Variants in PDE4DIP observed in about 807,000 individuals in gnomAD.
PDE4DIP encodes phosphodiesterase 4D interacting protein, also known as myomegalin.
PDE4DIP carries 59 observed loss-of-function variants against 221.4 expected under a neutral mutation model. That is an observed-to-expected ratio of 0.27 (90% confidence interval 0.22 to 0.33). The LOEUF (loss-of-function observed/expected upper bound fraction) is 0.33, where lower values mean the gene tolerates loss of function less well. Ranked by LOEUF, PDE4DIP falls within the 10% of genes least tolerant of loss-of-function variation. The pLI is 1.00. For synonymous variants in PDE4DIP, 404 were observed against 815.9 expected (o/e 0.50, Z 8.60); for missense variants, 1,036 against 2,154.2 (o/e 0.48, Z 10.28).
At chr1:149,030,125 A>G (rs1400378354) in intron 42 of PDE4DIP, 107 bp from the exon 46 acceptor site, 84 of 980,140 alleles carry the variant, frequency 8.6e-5, no homozygotes, top group Non-Finnish European at 1.3e-4. Flanking sequence ...GGAGACTCCA[A>G]GCTGAATAGC....
chr1:148,917,254 C>T (rs1473148537), intron 1 of PDE4DIP, among the ~76,000 whole-genome samples: 1 of 151,704 alleles, frequency 6.6e-6, no homozygotes, highest in Non-Finnish European at 1.5e-5. Flanking sequence ...TAGCTCATGA[C>T]ACACTGAGAA....
At chr1:148,979,912 A>G in intron 20 of PDE4DIP, 63 bp downstream of exon 23, 1 of 1,564,678 alleles carries the variant, frequency 6.4e-7, no homozygotes, top group Non-Finnish European at 8.7e-7. Flanking sequence ...TTACTATTGT[A>G]TTTATGCCTT....
intron 3 of PDE4DIP, among the ~76,000 whole-genome samples, chr1:148,882,563 CGT>C (rs1694145385): frequency 6.6e-6 from 1 of 150,728 alleles, no homozygotes; most frequent in Non-Finnish European, 1.5e-5. Context: ...TATGAGAAAA[CGT>C]GTTTCAAGCA....
intron 5 of PDE4DIP, among the ~76,000 whole-genome samples, chr1:148,960,277 A>G (rs1574333763): frequency 6.6e-6 from 1 of 150,874 alleles, no homozygotes; most frequent in African/African-American, 2.4e-5. Flanking sequence ...TGTAAGTTTG[A>G]TGAGTATGCC....
chr1:149,015,691 T>C (rs1553609908), intron 32 of PDE4DIP, among the ~76,000 whole-genome samples: 1 of 149,694 alleles, frequency 6.7e-6, no homozygotes, highest in South Asian at 2.1e-4. Context: ...TTGCAGCTCC[T>C]TGAGTCATGT....
chr1:148,955,324 C>T (rs587699472), intron 5 of PDE4DIP, among the ~76,000 whole-genome samples: 47 of 151,478 alleles, frequency 3.1e-4, no homozygotes, highest in Non-Finnish European at 5.8e-4. Flanking sequence ...GAAATAAACT[C>T]GTCCCCCCAG....
At chr1:148,919,958 C>T (rs587677562) in intron 1 of PDE4DIP, among the ~76,000 whole-genome samples, 152 of 136,470 alleles carry the variant, frequency 1.1e-3, no homozygotes, top group Non-Finnish European at 9.8e-4. Flanking sequence ...ACTCACTGAC[C>T]TTAACACAAC....
At chr1:148,934,881 G>T (rs1553473815) in intron 4 of PDE4DIP, among the ~76,000 whole-genome samples, 1 of 152,084 alleles carries the variant, frequency 6.6e-6, no homozygotes, top group Non-Finnish European at 1.5e-5. Context: ...TGGGATTACA[G>T]GGATTACAGG....
intron 18 of PDE4DIP, 59 bp downstream of exon 21, chr1:148,978,112 G>T (rs1487388293): frequency 2.0e-6 from 3 of 1,485,590 alleles, no homozygotes; most frequent in South Asian, 1.2e-5. Context: ...TACCTGTAGG[G>T]CCTCTTCAGA....
At chr1:149,031,860 C>T (rs587627668) in intron 43 of PDE4DIP, 84 bp from the exon 47 acceptor site, 89 of 1,345,190 alleles carry the variant, frequency 6.6e-5, no homozygotes, top group African/African-American at 5.6e-4. Context: ...TTGGTCACCA[C>T]GTAGCTCTCA....
At chr1:149,013,100 A>T (rs1415021789) in intron 32 of PDE4DIP, among the ~76,000 whole-genome samples, 7 of 152,122 alleles carry the variant, frequency 4.6e-5, no homozygotes, top group African/African-American at 1.7e-4. Flanking sequence ...GGTGGGAGAG[A>T]GATGTTATGC....
chr1:149,012,783 A>C lies in PDE4DIP; in HGVS notation c.5266+7A>C. The C allele has an allele frequency of 2.5e-6, 4 of 1,580,408 alleles. No homozygotes were observed. Among genetic ancestry groups the C allele is most frequent in the Non-Finnish European group, 3.4e-6 (4 of 1,160,284 alleles). The stretch of plus-strand genomic sequence containing the variant: ...CAGAAGCAGTTGGGAGAAAGTGAGC[A>C]CTTCTGCATTTGTGTGCTTGCGATT... On this transcript the variant is annotated splice_region_variant and intron_variant, in intron 32 of 43. Coordinates refer to ENST00000369354, the Ensembl canonical transcript of PDE4DIP.
intron 1 of PDE4DIP, among the ~76,000 whole-genome samples, chr1:148,928,059 CT>C (rs1482908137): frequency 5.4e-5 from 4 of 73,972 alleles, no homozygotes; most frequent in African/African-American, 2.2e-4. Flanking sequence ...TTAGTTGCCC[CT>C]GACCCACCCA....
chr1:148,977,740 A>G (rs1248114399), intron 17 of PDE4DIP, among the ~76,000 whole-genome samples, 197 bp from the exon 21 acceptor site: 1 of 152,246 alleles, frequency 6.6e-6, no homozygotes, highest in Non-Finnish European at 1.5e-5. Context: ...AGAAGACATC[A>G]TTAAGAACAA....
At chr1:149,028,963 G>A (rs2075963196) in intron 41 of PDE4DIP, among the ~76,000 whole-genome samples, 1 of 152,194 alleles carries the variant, frequency 6.6e-6, no homozygotes, top group Non-Finnish European at 1.5e-5. Flanking sequence ...GGGGTGTGAA[G>A]AAGGCGGAGA....
At chr1:148,857,359 CTTTTTTTTTTT>C (rs386368251) in intron 1 of PDE4DIP, among the ~76,000 whole-genome samples, 1 of 52,524 alleles carries the variant, frequency 1.9e-5, no homozygotes, top group Non-Finnish European at 3.2e-5. Flanking sequence ...TAGCCCCTTT[CTTTTTTTTTTT>C]TTTTTTTTTG....
At chr1:148,953,085 A>T (rs1553493648) in intron 5 of PDE4DIP, 1 of 1,614,052 alleles carries the variant, frequency 6.2e-7, no homozygotes, top group Non-Finnish European at 8.5e-7. Context: ...AAGAATAACG[A>T]TGACTCTGGC....
exon 44 of PDE4DIP, chr1:149,032,579 A>G (rs1553639982): frequency 4.1e-6 from 1 of 246,028 alleles, no homozygotes; most frequent in Admixed American, 4.9e-5. Flanking sequence ...TTGAGTTCAC[A>G]TCATGAATGT....
At chr1:148,942,838 TTC>T (rs2151004277) in intron 5 of PDE4DIP, among the ~76,000 whole-genome samples, 3 of 146,194 alleles carry the variant, frequency 2.1e-5, no homozygotes, top group East Asian at 4.1e-4. Context: ...GTCGCCTTTT[TTC>T]TCTCTCTGCA....
Sources: allele counts gnomAD v4.1 joint callset (sites outside exome capture counted in the v4.1 genomes callset), GRCh38; gene constraint gnomAD v4.1.1; transcripts MANE v1.5; gene names NCBI Gene and HGNC (gene_info 2026-07-23, HGNC 2026-07-21).